The following KCTD8 variants were observed in gnomAD, a reference collection of about 807,000 sequenced individuals.
KCTD8 encodes the protein potassium channel tetramerization domain containing 8.
Under a neutral mutation model 31.5 loss-of-function variants are expected in KCTD8, and 27 were observed. That is an observed-to-expected ratio of 0.86 (90% CI 0.63 to 1.18). The LOEUF is 1.18. Ranked by LOEUF, KCTD8 falls within the 50% of genes most tolerant of loss-of-function variation. KCTD8 has a pLI of 0.00. For synonymous variants in KCTD8, 290 were observed against 280.0 expected, an observed-to-expected ratio of 1.04 and a Z score of -0.36; for missense variants, 658 against 647.7, an observed-to-expected ratio of 1.02 and a Z score of -0.17.
chr4:44,235,549 A>G (rs1332493402), intron 1 of KCTD8, among the ~76,000 whole-genome samples: 1 of 86,666 alleles, frequency 1.2e-5, no homozygotes, highest in Non-Finnish European at 2.2e-5. Flanking sequence ...ATATATATAT[A>G]TATATATATA....
At chr4:44,175,429 G>A (rs1489346433) in intron 1 of KCTD8, among the ~76,000 whole-genome samples, 179 bp from the exon 2 acceptor site, 2 of 152,144 alleles carry the variant, frequency 1.3e-5, no homozygotes, top group Admixed American at 6.5e-5. Context: ...GGTCTTTAGT[G>A]TACATTGAAA....
intron 1 of KCTD8, among the ~76,000 whole-genome samples, chr4:44,354,288 C>T (rs929539372): frequency 1.3e-5 from 2 of 152,116 alleles, no homozygotes; most frequent in African/African-American, 4.8e-5. Context: ...TAGCAGTCTT[C>T]CTACTCCCTG....
chr4:44,213,479 A>G (rs567496946), intron 1 of KCTD8, among the ~76,000 whole-genome samples: 1 of 152,294 alleles, frequency 6.6e-6, no homozygotes, highest in South Asian at 2.1e-4. Flanking sequence ...TTAAAATATT[A>G]CAATTGACTT....
At chr4:44,339,389 T>G (rs1016422623) in intron 1 of KCTD8, among the ~76,000 whole-genome samples, 8 of 152,154 alleles carry the variant, frequency 5.3e-5, no homozygotes, top group African/African-American at 1.9e-4. Context: ...TTGATAAAAT[T>G]AAACCTCAGA....
intron 1 of KCTD8, among the ~76,000 whole-genome samples, chr4:44,354,799 A>G (rs1428537627): frequency 6.6e-6 from 1 of 152,176 alleles, no homozygotes; most frequent in African/African-American, 2.4e-5. Context: ...TATCATAGAT[A>G]CAGTATAAAT....
At chr4:44,355,983 A>G (rs1719331580) in intron 1 of KCTD8, among the ~76,000 whole-genome samples, 1 of 152,140 alleles carries the variant, frequency 6.6e-6, no homozygotes, top group Non-Finnish European at 1.5e-5. Context: ...TCACTAGCAA[A>G]ATGACCACTA....
chr4:44,313,806 T>C (rs776577188), intron 1 of KCTD8, among the ~76,000 whole-genome samples: 1 of 152,210 alleles, frequency 6.6e-6, no homozygotes, highest in Non-Finnish European at 1.5e-5. Flanking sequence ...GAAGAATGTC[T>C]TAATTGTTAA....
At chr4:44,233,150 ACTAT>A (rs1223605117) in intron 1 of KCTD8, among the ~76,000 whole-genome samples, 1 of 152,056 alleles carries the variant, frequency 6.6e-6, no homozygotes, top group Non-Finnish European at 1.5e-5. Context: ...ATTATGGAAC[ACTAT>A]CTAGAGAAAA....
chr4:44,214,301 T>A (rs2109344954), intron 1 of KCTD8, among the ~76,000 whole-genome samples: 1 of 152,318 alleles, frequency 6.6e-6, no homozygotes, highest in East Asian at 1.9e-4. Flanking sequence ...GGAAAATATT[T>A]GTTTCTCCCC....
At chr4:44,183,367 A>G (rs1326628237) in intron 1 of KCTD8, among the ~76,000 whole-genome samples, 1 of 152,208 alleles carries the variant, frequency 6.6e-6, no homozygotes, top group African/African-American at 2.4e-5. Flanking sequence ...GGTATTTAAG[A>G]AAATAAAACA....
intron 1 of KCTD8, among the ~76,000 whole-genome samples, chr4:44,299,764 T>C (rs1717551715): frequency 2.7e-5 from 4 of 148,306 alleles, no homozygotes; most frequent in Admixed American, 2.1e-4. Context: ...GATTTTTTTT[T>C]TCCTTTTCTT....
intron 1 of KCTD8, among the ~76,000 whole-genome samples, chr4:44,344,110 G>A (rs1211976034): frequency 5.3e-5 from 8 of 152,042 alleles, no homozygotes; most frequent in Admixed American, 2.0e-4. Flanking sequence ...ACCCACCTCC[G>A]CCTCCCAAAG....
chr4:44,280,472 C>T (rs1716876771), intron 1 of KCTD8, among the ~76,000 whole-genome samples: 1 of 152,066 alleles, frequency 6.6e-6, no homozygotes, highest in Admixed American at 6.6e-5. Flanking sequence ...AACACTCGAA[C>T]TTCAGGGATG....
At chr4:44,386,351 T>C (rs753948234) in intron 1 of KCTD8, among the ~76,000 whole-genome samples, 4 of 151,508 alleles carry the variant, frequency 2.6e-5, no homozygotes, top group Non-Finnish European at 5.9e-5. Context: ...AAAATGAATA[T>C]TATTCAGCCT....
chr4:44,251,429 T>C (rs758373549), intron 1 of KCTD8, among the ~76,000 whole-genome samples: 12 of 151,678 alleles, frequency 7.9e-5, no homozygotes, highest in Non-Finnish European at 1.3e-4. Flanking sequence ...CTTTATTTAA[T>C]TGAGTCTTTA....
In KCTD8 at chr4:44,448,418, GC is replaced by G; in HGVS notation, c.105del (p.Cys37AlafsTer9). ...SPGASAAAAP[G>X]PCAPSPFPEV... ...TCAGGGAAGGGCGAGGGTGCGCAGG[GC>G]CCCGGGGCGGCGGCGGCCGACGCGC... is the stretch of plus-strand genomic sequence containing the variant. On this transcript the variant is annotated frameshift_variant, in exon 1 of 2. Coordinates refer to ENST00000360029, the MANE Select transcript of KCTD8 (RefSeq NM_198353.3). LOFTEE classifies it high-confidence loss of function. The surrounding 1 kb of genome is among the most constrained non-coding windows in gnomAD (Gnocchi z 4.1). The G allele has an allele frequency of 6.4e-7, 1 of 1,566,210 alleles. No homozygotes were observed. Among genetic ancestry groups the G allele is most frequent in the Non-Finnish European group, 8.6e-7 (1 of 1,162,292 alleles).
At chr4:44,423,046 G>C (rs373137625) in intron 1 of KCTD8, among the ~76,000 whole-genome samples, 5 of 152,000 alleles carry the variant, frequency 3.3e-5, no homozygotes, top group African/African-American at 7.2e-5. Flanking sequence ...TTCTCAACCA[G>C]GGCAGTTTAC....
At chr4:44,343,560 C>G (rs1248413613) in intron 1 of KCTD8, among the ~76,000 whole-genome samples, 1 of 152,110 alleles carries the variant, frequency 6.6e-6, no homozygotes, top group Non-Finnish European at 1.5e-5. Flanking sequence ...GCTTGCTCAA[C>G]ACAGGGTTAC....
At chr4:44,219,933 G>A (rs1466150728) in intron 1 of KCTD8, among the ~76,000 whole-genome samples, 1 of 152,068 alleles carries the variant, frequency 6.6e-6, no homozygotes, top group African/African-American at 2.4e-5. Context: ...CAATACTAAC[G>A]TATAATTTAT....
Sources: gnomAD v4.1 joint callset for allele counts (sites outside exome capture counted in the v4.1 genomes callset) on GRCh38, gnomAD v4.1.1 for gene constraint, Gnocchi (gnomAD v3.1) non-coding constraint, MANE v1.5 for transcripts, NCBI Gene and HGNC (gene_info 2026-07-23, HGNC 2026-07-21) for gene names.